The following PTPN3 variants were observed in gnomAD, a reference collection of about 807,000 sequenced individuals.
The protein encoded by PTPN3 is protein tyrosine phosphatase non-receptor type 3.
PTPN3 carries 96 observed loss-of-function variants against 132.7 expected under a neutral mutation model. The ratio of observed to expected loss-of-function variants is 0.72; its 90% CI spans 0.61 to 0.86. The LOEUF (loss-of-function observed/expected upper bound fraction) is 0.86, where lower values mean the gene tolerates loss of function less well. PTPN3 is among the 40% of genes least tolerant of loss of function. The probability of loss-of-function intolerance (pLI) is 0.00; values close to 1 mark genes in which losing one functional copy is unlikely to be tolerated. For synonymous variants in PTPN3, 398 were observed against 429.0 expected, an observed-to-expected ratio of 0.93 and a Z score of 0.89; for missense variants, 1,125 against 1,159.6, an observed-to-expected ratio of 0.97 and a Z score of 0.43.
At chr9:109,401,294 A>T (rs996883629) in intron 19 of PTPN3, among the ~76,000 whole-genome samples, 5 of 152,178 alleles carry the variant, frequency 3.3e-5, no homozygotes, top group African/African-American at 1.2e-4. Context: ...GTGTGCATCA[A>T]AACAGGTGCT....
Position 109,422,750 on chromosome 9 carries a change from C to T in PTPN3, c.1104G>A (p.Leu368=), listed in dbSNP as rs1478387080. 1 of 1,611,654 alleles carries T rather than the reference C, an allele frequency of 6.2e-7. No homozygotes were observed. Among genetic ancestry groups the T allele is most frequent in the Non-Finnish European group, 8.5e-7 (1 of 1,178,632 alleles). Reference sequence around the variant, plus strand: ...GAGTAATGGGAGGGGAACGAGAAGGCAGACTCTTGGTTTCTAAGTGCTCCA... The same window carrying T: ...GAGTAATGGGAGGGGAACGAGAAGGTAGACTCTTGGTTTCTAAGTGCTCCA... ...LSVEHLETKS[L]PSRSPPITPN... Residue 368 remains leucine, a synonymous_variant, in exon 13 of 26, where the codon CTG becomes CTA. Coordinates refer to ENST00000374541, the MANE Select transcript of PTPN3 (RefSeq NM_002829.4).
chr9:109,416,980 C>T (rs1172688832), intron 14 of PTPN3, among the ~76,000 whole-genome samples: 1 of 152,214 alleles, frequency 6.6e-6, no homozygotes, highest in Non-Finnish European at 1.5e-5. Flanking sequence ...TTCTGTTCTG[C>T]ATGTCTCTTT....
chr9:109,515,647 G>C, the PTPN3 span, among the ~76,000 whole-genome samples: 57 of 152,314 alleles, frequency 3.7e-4, no homozygotes, highest in Non-Finnish European at 6.3e-4. Flanking sequence ...GCCAGCATCT[G>C]TTCAGCTTCT....
chr9:109,423,713 T>A (rs1284028524), intron 12 of PTPN3, among the ~76,000 whole-genome samples: 1 of 152,186 alleles, frequency 6.6e-6, no homozygotes, highest in African/African-American at 2.4e-5. Flanking sequence ...ATCTTAGCTA[T>A]CTAGACCCCT....
intron 18 of PTPN3, among the ~76,000 whole-genome samples, chr9:109,405,798 C>T (rs1841513447): frequency 6.6e-6 from 1 of 152,218 alleles, no homozygotes; most frequent in Non-Finnish European, 1.5e-5. Flanking sequence ...GTTGGTCAAG[C>T]TGGTCTTGAA....
In PTPN3 at chr9:109,376,796, G is replaced by C. The variant is rs1451853176; in HGVS notation, c.*2760C>G. On this transcript the variant is annotated 3_prime_UTR_variant, in exon 26 of 26. Coordinates refer to ENST00000374541, the MANE Select transcript of PTPN3 (RefSeq NM_002829.4). ...AGGAATCTTGAGCTACGGATTTTAA[G>C]TGGTAATAGCTACAGGATTTACTTG... 4 of 152,220 alleles carry C rather than the reference G, an allele frequency of 2.6e-5. No homozygotes were observed. Among genetic ancestry groups the C allele is most frequent in the African/African-American group, 9.6e-5 (4 of 41,458 alleles). The allele number at this position is 152,220 out of a possible 1,614,324, so 9.4% of individuals were successfully genotyped here.
chr9:109,398,028 C>G (rs998052862), intron 19 of PTPN3, among the ~76,000 whole-genome samples: 8 of 152,186 alleles, frequency 5.3e-5, no homozygotes, highest in Admixed American at 1.3e-4. Flanking sequence ...AATCCCAGCA[C>G]TTTGTGGGGC....
intron 25 of PTPN3, among the ~76,000 whole-genome samples, chr9:109,380,705 A>G (rs1839001407): frequency 6.6e-6 from 1 of 152,212 alleles, no homozygotes; most frequent in Non-Finnish European, 1.5e-5. Context: ...ACAAACTAAT[A>G]TAAAACTACC....
chr9:109,515,838 A>G, the PTPN3 span, among the ~76,000 whole-genome samples: 1 of 152,226 alleles, frequency 6.6e-6, no homozygotes, highest in Non-Finnish European at 1.5e-5. Flanking sequence ...CAAGCCATTC[A>G]TGAGGTATCC....
chr9:109,429,003 T>G (rs568139144), intron 10 of PTPN3: 1 of 985,390 alleles, frequency 1.0e-6, no homozygotes, highest in East Asian at 1.1e-4. Flanking sequence ...GGTATATACA[T>G]GGGGAAGACA....
At chr9:109,436,237 G>T (rs1371124231) in intron 9 of PTPN3, among the ~76,000 whole-genome samples, 2 of 152,200 alleles carry the variant, frequency 1.3e-5, no homozygotes, top group Non-Finnish European at 2.9e-5. Flanking sequence ...ACAGTGAGGG[G>T]TCATGTGCTG....
intron 9 of PTPN3, among the ~76,000 whole-genome samples, chr9:109,434,090 T>C (rs1345242275): frequency 6.6e-6 from 1 of 152,162 alleles, no homozygotes; most frequent in Non-Finnish European, 1.5e-5. Context: ...AAATAGTTCC[T>C]CCTCTTGAGT....
the PTPN3 span, among the ~76,000 whole-genome samples, chr9:109,515,274 C>T: frequency 6.6e-6 from 1 of 152,160 alleles, no homozygotes; most frequent in African/African-American, 2.4e-5. Context: ...ATCTGCCCAC[C>T]TCAGCCTCAC....
intron 1 of PTPN3, among the ~76,000 whole-genome samples, chr9:109,474,399 G>A (rs1177721698): frequency 6.6e-6 from 1 of 152,158 alleles, no homozygotes; most frequent in Non-Finnish European, 1.5e-5. Context: ...CATTTACTCT[G>A]TGCCGTCTCT....
At position 109,436,881 on chromosome 9, in the gene PTPN3, A is replaced by C; in HGVS notation, c.675+2T>G. 6.2e-7 allele frequency: 1 copy of C among 1,611,222 alleles called. No individual in the cohort carries two copies. Among genetic ancestry groups the C allele is most frequent in the Non-Finnish European group, 8.5e-7 (1 of 1,178,994 alleles). On this transcript the variant is annotated splice_donor_variant, in intron 9 of 25. Coordinates refer to ENST00000374541, the MANE Select transcript of PTPN3 (RefSeq NM_002829.4). LOFTEE classifies it high-confidence loss of function. ...GAGCCAAGACATAACAAGAATACAT[A>C]CCCTACCACTGTGCAGTTCTACTCC...
chr9:109,510,574 A>ATATATATATATATAT, the PTPN3 span, among the ~76,000 whole-genome samples: 2 of 49,196 alleles, frequency 4.1e-5, no homozygotes, highest in Non-Finnish European at 8.2e-5. Context: ...AAAAAAAAAA[A>ATATATATATATATAT]AAATATATAT....
intron 14 of PTPN3, among the ~76,000 whole-genome samples, chr9:109,418,975 C>T (rs773720652): frequency 1.1e-4 from 17 of 152,206 alleles, no homozygotes; most frequent in Non-Finnish European, 1.9e-4. Context: ...AGACTCAAAA[C>T]GGCTCTAGTC....
At chr9:109,405,703 C>T (rs1290964591) in intron 18 of PTPN3, among the ~76,000 whole-genome samples, 1 of 152,212 alleles carries the variant, frequency 6.6e-6, no homozygotes, top group Non-Finnish European at 1.5e-5. Flanking sequence ...GATTCTCCTG[C>T]CTCAGCCTCC....
At chr9:109,392,904 A>G (rs895983409) in intron 19 of PTPN3, 3 of 152,184 alleles carry the variant, frequency 2.0e-5, no homozygotes, top group African/African-American at 7.2e-5. Context: ...GCACCCGGCT[A>G]TATTGGCACT....
Sources: gnomAD v4.1 joint callset for allele counts (sites outside exome capture counted in the v4.1 genomes callset) on GRCh38, gnomAD v4.1.1 for gene constraint, MANE v1.5 for transcripts, NCBI Gene and HGNC (gene_info 2026-07-23, HGNC 2026-07-21) for gene names.